Variants in UNC13C observed in about 807,000 individuals in gnomAD.
UNC13C encodes protein unc-13 homolog C.
UNC13C carries 174 observed loss-of-function variants against 245.4 expected under a neutral mutation model. The ratio of observed to expected loss-of-function variants is 0.71; its 90% CI spans 0.63 to 0.80. The LOEUF (loss-of-function observed/expected upper bound fraction) is 0.80, where lower values mean the gene tolerates loss of function less well. Among genes scored for constraint, UNC13C ranks in the 30% least tolerant of loss-of-function variants. The pLI, the probability that UNC13C is intolerant of heterozygous loss-of-function variation, is 0.00. For missense variants in UNC13C, 2,829 were observed against 2,602.9 expected, an observed-to-expected ratio of 1.09 and a Z score of -1.89; for synonymous variants, 992 against 895.1, an observed-to-expected ratio of 1.11 and a Z score of -1.93.
At chr15:54,213,497 T>C (rs2034949151) in intron 4 of UNC13C, among the ~76,000 whole-genome samples, 1 of 152,086 alleles carries the variant, frequency 6.6e-6, no homozygotes, top group African/African-American at 2.4e-5. Flanking sequence ...GGTTCTCAAC[T>C]AATTGATAGT....
At chr15:54,162,070 A>G (rs1475880011) in intron 4 of UNC13C, among the ~76,000 whole-genome samples, 1 of 152,164 alleles carries the variant, frequency 6.6e-6, no homozygotes, top group Non-Finnish European at 1.5e-5. Context: ...TTTGCTCTCT[A>G]GTCATTAGGA....
chr15:54,022,405 T>A lies in UNC13C; in HGVS notation c.2983+6519T>A, dbSNP rs183347281. On this transcript the variant is annotated intron_variant, in intron 2 of 32. Coordinates refer to ENST00000260323, the MANE Select transcript of UNC13C (RefSeq NM_001080534.3). ...TCACTGCAGCCTCAAACTTCAGGGATCAAGAGATTCTCCTGCCTCAGCTTC... is the reference window on the plus strand; with the variant it reads ...TCACTGCAGCCTCAAACTTCAGGGAACAAGAGATTCTCCTGCCTCAGCTTC... 2.0e-5 allele frequency among the ~76,000 whole-genome samples: 3 copies of A among 152,176 alleles called. No homozygotes were observed. In the East Asian group the frequency reaches 5.8e-4, roughly 29 times the overall value.
intron 32 of UNC13C, among the ~76,000 whole-genome samples, chr15:54,625,345 A>T (rs1157024004): frequency 1.3e-5 from 2 of 152,158 alleles, no homozygotes; most frequent in African/African-American, 4.8e-5. Context: ...GCAAACAGCA[A>T]AAAGGAGGGT....
chr15:53,983,006 A>G (rs989429159), intron 1 of UNC13C, among the ~76,000 whole-genome samples: 2 of 152,150 alleles, frequency 1.3e-5, no homozygotes, highest in Non-Finnish European at 2.9e-5. Flanking sequence ...AGAATTGAGT[A>G]AGAAATTTGT....
chr15:54,383,835 C>A (rs2039779482), intron 17 of UNC13C, among the ~76,000 whole-genome samples: 1 of 152,002 alleles, frequency 6.6e-6, no homozygotes, highest in African/African-American at 2.4e-5. Flanking sequence ...ACAAAATCAA[C>A]ATACAAAAAT....
chr15:54,343,596 A>G (rs2038789590), intron 17 of UNC13C, among the ~76,000 whole-genome samples: 2 of 152,162 alleles, frequency 1.3e-5, no homozygotes. Context: ...ATCCTGTTCT[A>G]TATGCCTGAA....
intron 30 of UNC13C, among the ~76,000 whole-genome samples, chr15:54,577,700 G>A (rs774913449): frequency 7.9e-5 from 12 of 152,052 alleles, no homozygotes; most frequent in Non-Finnish European, 1.6e-4. Flanking sequence ...ATGGTTTACC[G>A]ATGAGGGCAG....
intron 2 of UNC13C, among the ~76,000 whole-genome samples, chr15:54,057,569 C>A (rs992724864): frequency 6.6e-6 from 1 of 151,372 alleles, no homozygotes; most frequent in Non-Finnish European, 1.5e-5. Flanking sequence ...GAAAGTTAAC[C>A]AGGATATCCA....
chr15:54,558,131 T>A (rs780609215), intron 29 of UNC13C, among the ~76,000 whole-genome samples: 3 of 151,922 alleles, frequency 2.0e-5, no homozygotes, highest in Non-Finnish European at 2.9e-5. Context: ...AGGGATAGCA[T>A]TGGGAGATAT....
chr15:54,244,392 A>G (rs957551082), intron 7 of UNC13C, among the ~76,000 whole-genome samples: 11 of 152,164 alleles, frequency 7.2e-5, no homozygotes, highest in African/African-American at 2.7e-4. Context: ...CTATAGTTCG[A>G]AGGTGGGTAA....
intron 2 of UNC13C, among the ~76,000 whole-genome samples, chr15:54,029,691 C>T (rs924957277): frequency 8.5e-5 from 13 of 152,148 alleles, no homozygotes; most frequent in African/African-American, 3.1e-4. Context: ...CTTATGCAGC[C>T]AAACTGACAG....
At chr15:53,942,415 A>G in the UNC13C span, among the ~76,000 whole-genome samples, 14 of 152,032 alleles carry the variant, frequency 9.2e-5, no homozygotes, top group Non-Finnish European at 2.1e-4. Flanking sequence ...GGATGAGGGG[A>G]GAGAGAGCAT....
intron 19 of UNC13C, among the ~76,000 whole-genome samples, chr15:54,444,810 T>TTA (rs1567277125): frequency 2.6e-5 from 4 of 151,634 alleles, no homozygotes; most frequent in African/African-American, 4.8e-5. Context: ...TATATTACTT[T>TTA]TATATATATG....
At chr15:54,456,076 T>C (rs78456023) in intron 19 of UNC13C, among the ~76,000 whole-genome samples, 3,202 of 152,296 alleles carry the variant, frequency 0.021, 61 homozygotes, top group Non-Finnish European at 0.034. Flanking sequence ...GTTTTATTCT[T>C]CTACTTGTGG....
intron 19 of UNC13C, among the ~76,000 whole-genome samples, chr15:54,444,403 G>A (rs1488893261): frequency 2.0e-5 from 3 of 151,146 alleles, no homozygotes; most frequent in Non-Finnish European, 4.4e-5. Flanking sequence ...TTTACTTTGA[G>A]TCTATATATG....
At chr15:53,989,069 T>C (rs771201070) in intron 1 of UNC13C, among the ~76,000 whole-genome samples, 1 of 151,976 alleles carries the variant, frequency 6.6e-6, no homozygotes, top group Non-Finnish European at 1.5e-5. Context: ...AGTGGGCTCA[T>C]AAAAGATTCT....
At chr15:54,328,661 TC>T (rs750880158) in intron 14 of UNC13C, among the ~76,000 whole-genome samples, 9 of 151,964 alleles carry the variant, frequency 5.9e-5, no homozygotes, top group Non-Finnish European at 1.2e-4. Flanking sequence ...AGCTTTTCCT[TC>T]CAGGGTTCCC....
chr15:54,192,800 A>G (rs1404210814), intron 4 of UNC13C, among the ~76,000 whole-genome samples: 1 of 152,026 alleles, frequency 6.6e-6, no homozygotes, highest in Non-Finnish European at 1.5e-5. Context: ...GTCCTTTCTC[A>G]TATATTGTGT....
chr15:54,502,051 T>C (rs1567332407), intron 22 of UNC13C, among the ~76,000 whole-genome samples: 3 of 152,162 alleles, frequency 2.0e-5, no homozygotes, highest in Admixed American at 2.0e-4. Flanking sequence ...AACATAGTAA[T>C]TTAGGGAAAC....
Sources: allele counts gnomAD v4.1 joint callset (sites outside exome capture counted in the v4.1 genomes callset), GRCh38; gene constraint gnomAD v4.1.1; transcripts MANE v1.5; gene names NCBI Gene and HGNC (gene_info 2026-07-23, HGNC 2026-07-21).